The following FAM107B variants were observed in gnomAD, a reference collection of about 807,000 sequenced individuals.
The protein encoded by FAM107B is family with sequence similarity 107 member B.
In FAM107B, 21 loss-of-function variants were observed where a neutral mutation model predicts 31.5. That is an observed-to-expected ratio of 0.67 (90% CI 0.47 to 0.96). The LOEUF (loss-of-function observed/expected upper bound fraction) is 0.96. Ranked by LOEUF, FAM107B falls within the 40% of genes least tolerant of loss-of-function variation. The pLI, the probability that FAM107B is intolerant of heterozygous loss-of-function variation, is 0.00. For synonymous variants in FAM107B, 157 were observed against 141.5 expected, an observed-to-expected ratio of 1.11 and a Z score of -0.78; for missense variants, 452 against 377.1, an observed-to-expected ratio of 1.20 and a Z score of -1.64.
At chr10:14,671,453 A>G (rs1854539047) in intron 1 of FAM107B, among the ~76,000 whole-genome samples, 1 of 152,122 alleles carries the variant, frequency 6.6e-6, no homozygotes, top group Non-Finnish European at 1.5e-5. Context: ...ACACACAGGA[A>G]GAGGAGGGGC....
intron 2 of FAM107B, among the ~76,000 whole-genome samples, chr10:14,598,414 A>G (rs1852257655): frequency 6.6e-6 from 1 of 152,232 alleles, no homozygotes; most frequent in Non-Finnish European, 1.5e-5. Flanking sequence ...ACGAGCATGC[A>G]TGAACCTGGA....
chr10:14,723,674 T>A (rs2131552141), intron 1 of FAM107B: 1 of 746,068 alleles, frequency 1.3e-6, no homozygotes, highest in Admixed American at 1.7e-5. Context: ...CAGTCAGCTC[T>A]GGGGTCAGTA....
intron 3 of FAM107B, among the ~76,000 whole-genome samples, chr10:14,523,926 G>C (rs2130778687): frequency 6.6e-6 from 1 of 150,412 alleles, no homozygotes; most frequent in African/African-American, 2.4e-5. Flanking sequence ...GAGTGCAGCG[G>C]CATGATCTCA....
intron 3 of FAM107B, chr10:14,530,059 C>T (rs1846781013): frequency 6.1e-6 from 2 of 328,684 alleles, no homozygotes; most frequent in East Asian, 1.2e-4. Flanking sequence ...CAGCCTCTTC[C>T]ATCCGAATTT....
At position 14,559,109 on chromosome 10, in the gene FAM107B, AAAAAAAAAC is replaced by A. The variant is rs1215774091; in HGVS notation, c.470-28603_470-28595del. Among the ~76,000 whole-genome samples, 588 of 69,526 alleles carry A rather than the reference AAAAAAAAAC, an allele frequency of 8.5e-3. 8 individuals carry two copies. The highest frequency in any genetic ancestry group is 0.017 in the Middle Eastern group (2 of 120). 45.6% of individuals were successfully genotyped at this position (69,526 alleles called of 152,430 possible). ...TCACCTGTGGAACTTCAAAAAAAAA[AAAAAAAAAC>A]AAAAAAAAAACACCTGGTGTCTAGC... On this transcript the variant is annotated intron_variant, in intron 2 of 4. Coordinates refer to ENST00000181796, the MANE Select transcript of FAM107B (RefSeq NM_031453.4).
At chr10:14,553,959 G>A (rs568835529) in intron 2 of FAM107B, 3 of 199,770 alleles carry the variant, frequency 1.5e-5, no homozygotes, top group East Asian at 1.9e-4. Context: ...AGCGGTTCAG[G>A]GGGCTCAGGT....
At chr10:14,526,372 C>T (rs1489252706) in intron 3 of FAM107B, among the ~76,000 whole-genome samples, 4 of 152,156 alleles carry the variant, frequency 2.6e-5, no homozygotes, top group East Asian at 3.9e-4. Context: ...GATGGGGTTG[C>T]GCCATGTTGG....
intron 2 of FAM107B, among the ~76,000 whole-genome samples, chr10:14,552,460 C>T (rs1245960971): frequency 7.8e-5 from 8 of 102,570 alleles, no homozygotes; most frequent in African/African-American, 2.6e-4. Context: ...TACCCACACA[C>T]ACCCAACAAT....
chr10:14,760,111 G>A (rs771187525), intron 1 of FAM107B, among the ~76,000 whole-genome samples: 14 of 152,182 alleles, frequency 9.2e-5, no homozygotes, highest in South Asian at 4.1e-4. Context: ...TTAAGGCCAC[G>A]TGGGAGAATA....
chr10:14,527,200 C>G (rs1308304760), intron 3 of FAM107B, among the ~76,000 whole-genome samples: 1 of 149,752 alleles, frequency 6.7e-6, no homozygotes, highest in Non-Finnish European at 1.5e-5. Flanking sequence ...AAAAAAAAAG[C>G]CTTTTGAAAT....
intron 2 of FAM107B, among the ~76,000 whole-genome samples, chr10:14,611,489 TA>T: frequency 4.1e-4 from 1 of 2,412 alleles, no homozygotes; most frequent in South Asian, 0.011. Flanking sequence ...CAGTTTTATA[TA>T]TATATATATA....
chr10:14,542,736 C>T (rs1266788076), intron 2 of FAM107B: 1 of 152,186 alleles, frequency 6.6e-6, no homozygotes, highest in Non-Finnish European at 1.5e-5. Flanking sequence ...GTACAGAGAA[C>T]CAAATACCCA....
intron 1 of FAM107B, among the ~76,000 whole-genome samples, chr10:14,713,512 G>A (rs1363491648): frequency 6.6e-6 from 1 of 152,206 alleles, no homozygotes; most frequent in Non-Finnish European, 1.5e-5. Context: ...GGAAAACTGA[G>A]CTGAGGGAGA....
intron 2 of FAM107B, among the ~76,000 whole-genome samples, chr10:14,662,083 A>C (rs12218255): frequency 0.18 from 27,950 of 152,096 alleles, 2,613 homozygotes; most frequent in Middle Eastern, 0.26. Flanking sequence ...CCTTCTCCCT[A>C]TGTGGAGTTA....
chr10:14,633,122 C>T (rs1176717630), intron 2 of FAM107B, among the ~76,000 whole-genome samples: 1 of 151,706 alleles, frequency 6.6e-6, no homozygotes, highest in African/African-American at 2.4e-5. Context: ...TCGCTTGAAT[C>T]CAGGAGGCAG....
At chr10:14,590,094 G>A (rs1435735961) in intron 2 of FAM107B, among the ~76,000 whole-genome samples, 1 of 152,188 alleles carries the variant, frequency 6.6e-6, no homozygotes, top group Non-Finnish European at 1.5e-5. Context: ...CATTAGCTGT[G>A]TGGTCTTGGG....
At chr10:14,542,727 T>G (rs752448696) in intron 2 of FAM107B, 6 of 152,224 alleles carry the variant, frequency 3.9e-5, no homozygotes, top group Non-Finnish European at 7.3e-5. Flanking sequence ...CACATACCAG[T>G]ACAGAGAACC....
rs111781868 is a variant in FAM107B at position 14,556,827 on chromosome 10, A to G, written c.470-26312T>C. On this transcript the variant is annotated intron_variant, in intron 2 of 4. Transcript: ENST00000181796. The stretch of plus-strand genomic sequence containing the variant: ...CCCCATGGGATTGTCAGGGCCTCTC[A>G]ATAGCTTCTCCAATGCCCTGGCAGC... Among the ~76,000 whole-genome samples the G allele has an allele frequency of 9.3e-3, 1,421 of 152,350 alleles. 21 individuals are homozygous for G. Among genetic ancestry groups the G allele is most frequent in the African/African-American group, 0.032 (1,314 of 41,576 alleles).
chr10:14,614,759 T>C (rs969262201), intron 2 of FAM107B, among the ~76,000 whole-genome samples: 1 of 150,952 alleles, frequency 6.6e-6, no homozygotes, highest in African/African-American at 2.4e-5. Flanking sequence ...GAATGAAACC[T>C]GGAAACCAAG....
Sources: gnomAD v4.1 joint callset for allele counts (sites outside exome capture counted in the v4.1 genomes callset) on GRCh38, gnomAD v4.1.1 for gene constraint, MANE v1.5 for transcripts, NCBI Gene and HGNC (gene_info 2026-07-23, HGNC 2026-07-21) for gene names.